Variants in PLK4 observed in about 807,000 individuals in gnomAD.
PLK4 encodes serine/threonine-protein kinase PLK4.
A neutral mutation model predicts 103.0 loss-of-function variants in PLK4; 51 were observed. The observed-to-expected ratio is 0.50, with a 90% CI of 0.40 to 0.63. The LOEUF (loss-of-function observed/expected upper bound fraction) is 0.63, where lower values mean the gene tolerates loss of function less well. Among genes scored for constraint, PLK4 ranks in the 20% least tolerant of loss-of-function variants. The probability of loss-of-function intolerance (pLI) is 0.00; values close to 1 mark genes in which losing one functional copy is unlikely to be tolerated. For synonymous variants in PLK4, 389 were observed against 376.8 expected (o/e 1.03, Z -0.38); for missense variants, 1,054 against 1,151.0 (o/e 0.92, Z 1.22).
chr4:127,887,548 C>A, intron 6 of PLK4, 52 bp downstream of exon 6: 2 of 1,013,998 alleles, frequency 2.0e-6, no homozygotes, highest in Non-Finnish European at 3.0e-6. Flanking sequence ...GGAAACTTAC[C>A]AAGCATTGCA....
Position 127,896,791 on chromosome 4 carries a change from A to AT in PLK4, c.2704-5dup. The AT allele has an allele frequency of 6.7e-7, 1 of 1,499,164 alleles. No individual in the cohort carries two copies. Among genetic ancestry groups the AT allele is most frequent in the Non-Finnish European group, 9.1e-7 (1 of 1,096,862 alleles). The allele number at this position is 1,499,164 out of a possible 1,614,324, so 92.9% of individuals were successfully genotyped here. On this transcript the variant is annotated splice_polypyrimidine_tract_variant and intron_variant, in intron 14 of 15. Coordinates refer to ENST00000270861, the MANE Select transcript of PLK4 (RefSeq NM_014264.5). ...GTGCCTGTTCTTACCCATGCTTATT[A>AT]TTTTTCTAGTTAACTAGTGGAGCTG...
At position 127,896,062 on chromosome 4, in the gene PLK4, G is replaced by A. The variant is rs746495763; in HGVS notation, c.2704-739G>A. On this transcript the variant is annotated intron_variant, in intron 14 of 15. Transcript: ENST00000270861. ...AGTAAATGCAACCTAGTACTTTATG[G>A]GGGTAGGTAACATTTGTTGAGCACC... Among the ~76,000 whole-genome samples, 5 of 152,102 alleles carry A rather than the reference G, an allele frequency of 3.3e-5. No homozygotes were observed. The South Asian group carries it at 6.2e-4, about 19-fold the overall frequency.
chr4:127,889,891 T>C lies in PLK4; in HGVS notation c.1485T>C (p.Tyr495=). Residue 495 remains tyrosine, a synonymous_variant, in exon 7 of 16, where the codon TAT becomes TAC. Coordinates refer to ENST00000270861, the MANE Select transcript of PLK4 (RefSeq NM_014264.5). ...INAHLRKTTE[Y]DSISPNRDFQ... Reference sequence around the variant, plus strand: ...CTCATTTAAGAAAAACTACTGAATATGACAGCATCAGCCCAAACCGGGACT... The same window carrying C: ...CTCATTTAAGAAAAACTACTGAATACGACAGCATCAGCCCAAACCGGGACT... The C allele has an allele frequency of 1.9e-6, 3 of 1,607,760 alleles. No individual in the cohort carries two copies. Among genetic ancestry groups the C allele is most frequent in the Non-Finnish European group, 2.5e-6 (3 of 1,177,716 alleles).
chr4:127,884,282 G>A (rs561587220), intron 4 of PLK4, among the ~76,000 whole-genome samples: 2 of 152,296 alleles, frequency 1.3e-5, no homozygotes, highest in Admixed American at 6.5e-5. Flanking sequence ...TGAGATTACA[G>A]ACAAGCTAAC....
chr4:127,886,764 G>A (rs1451207288), intron 5 of PLK4, 36 bp downstream of exon 5: 1 of 1,370,014 alleles, frequency 7.3e-7, no homozygotes. Flanking sequence ...TTTGTTTTTT[G>A]GTAACATTAT....
At chr4:127,881,512 G>A in intron 1 of PLK4, 1 of 867,470 alleles carries the variant, frequency 1.2e-6, no homozygotes, top group Non-Finnish European at 1.7e-6. Context: ...GGGAGCTGCG[G>A]CGGGATTCTG....
At chr4:127,882,541 C>T (rs998871984) in intron 2 of PLK4, among the ~76,000 whole-genome samples, 1 of 152,152 alleles carries the variant, frequency 6.6e-6, no homozygotes. Context: ...GGGTGGATCA[C>T]CTGAGGTCGG....
chr4:127,885,348 G>A (rs961763648), intron 4 of PLK4, among the ~76,000 whole-genome samples: 2 of 151,484 alleles, frequency 1.3e-5, no homozygotes, highest in Non-Finnish European at 2.9e-5. Context: ...GCACGGTGGC[G>A]GGCGCCTGTA....
intron 1 of PLK4, among the ~76,000 whole-genome samples, chr4:127,881,603 C>G (rs1484287444): frequency 6.6e-6 from 1 of 152,128 alleles, no homozygotes; most frequent in Non-Finnish European, 1.5e-5. Flanking sequence ...AACCAGATCA[C>G]TAGGGTGCAC....
rs1734994799 is a variant in PLK4, at chr4:127,883,242, T to G, written c.127-20T>G. The G allele has an allele frequency of 7.8e-7, 1 of 1,279,248 alleles. No individual in the cohort carries two copies. The highest frequency in any genetic ancestry group is 1.1e-6 in the Non-Finnish European group (1 of 892,102). 79.2% of individuals were successfully genotyped at this position (1,279,248 alleles called of 1,614,324 possible). A position where few individuals can be genotyped will look rare whatever the true frequency, so the allele number is the denominator to read the frequency against. ...GTTTATATTTGAAAGTCTGTCAACA[T>G]TTAAACCTGTTATTTTTAGATAGAT... On this transcript the variant is annotated intron_variant, in intron 2 of 15. Transcript: ENST00000270861.
In PLK4 at chr4:127,881,934, T is replaced by A. The variant is rs2148815239; in HGVS notation, c.126+8T>A. The A allele has an allele frequency of 6.8e-7, 1 of 1,464,836 alleles. No individual in the cohort carries two copies. Among genetic ancestry groups the A allele is most frequent in the East Asian group, 2.3e-5 (1 of 44,200 alleles). The allele number at this position is 1,464,836 out of a possible 1,614,324, so 90.7% of individuals were successfully genotyped here. ...GAAGTTGCAATCAAAATGGTAAGAA[T>A]AAACTAATCAACTTCTCTCCTGTAC... On this transcript the variant is annotated splice_region_variant and intron_variant, in intron 2 of 15. Coordinates refer to ENST00000270861, the MANE Select transcript of PLK4 (RefSeq NM_014264.5).
In PLK4 at chr4:127,893,518, T is replaced by C; in HGVS notation, c.2328T>C (p.His776=). 1 of 1,610,440 alleles carries C rather than the reference T, an allele frequency of 6.2e-7. No homozygotes were observed. ...GCACTCTTCTTTTGAAATAGGGTCATCGTATTTGTTTAGCACTGGAATCCA... is the reference window on the plus strand; with the variant it reads ...GCACTCTTCTTTTGAAATAGGGTCACCGTATTTGTTTAGCACTGGAATCCA... ...KMYMDHANEG[H]RICLALESII... Residue 776 remains histidine (H), a synonymous_variant, in exon 12 of 16, where the codon CAT becomes CAC. Coordinates refer to ENST00000270861, the MANE Select transcript of PLK4 (RefSeq NM_014264.5).
chr4:127,896,497 T>G (rs1423719876), intron 14 of PLK4, among the ~76,000 whole-genome samples: 1 of 152,122 alleles, frequency 6.6e-6, no homozygotes, highest in African/African-American at 2.4e-5. Context: ...ACCAAAAAAC[T>G]TAGAAATCCT....
At chr4:127,882,017 TC>T (rs1734951505) in intron 2 of PLK4, 91 bp downstream of exon 2, 1 of 724,606 alleles carries the variant, frequency 1.4e-6, no homozygotes, top group African/African-American at 1.8e-5. Flanking sequence ...TACTAGCCTT[TC>T]CTTTGATTAT....
chr4:127,884,493 A>G (rs1735042997), intron 4 of PLK4, among the ~76,000 whole-genome samples: 1 of 152,232 alleles, frequency 6.6e-6, no homozygotes, highest in African/African-American at 2.4e-5. Flanking sequence ...GCAGTTTTTT[A>G]TAATACTTCA....
rs754107191 is a variant in PLK4 at position 127,886,650 on chromosome 4, C to T, written c.1280C>T (p.Ala427Val). The T allele has an allele frequency of 1.9e-6, 3 of 1,613,092 alleles. No homozygotes were observed. In the Admixed American group the frequency reaches 5.0e-5, roughly 27 times the overall value. Residue 427 changes from alanine (A) to valine (V), a missense_variant, in exon 5 of 16, where the codon GCC becomes GTC. Ala to Val is a moderately conservative substitution (Grantham distance 64). This residue lies in a region of PLK4 where 680 missense variants were observed against 660.3 expected (regional missense o/e 1.03). Coordinates refer to ENST00000270861, the MANE Select transcript of PLK4 (RefSeq NM_014264.5). ...AGGTACTCACCCACAGACAACAATG[C>T]CAACATTTTTAACTTCTTTAAAGAA... ...EERYSPTDNN[A>V]NIFNFFKEKT...
intron 13 of PLK4, 94 bp downstream of exon 13, chr4:127,893,975 C>T: frequency 1.4e-6 from 1 of 723,138 alleles, no homozygotes; most frequent in Non-Finnish European, 2.4e-6. Flanking sequence ...TTACTATCAT[C>T]TACGTACTTT....
Position 127,892,507 on chromosome 4 carries a change from T to C in PLK4, c.2181T>C (p.Phe727=). The C allele has an allele frequency of 6.2e-7, 1 of 1,608,418 alleles. No individual in the cohort carries two copies. The highest frequency in any genetic ancestry group is 8.5e-7 in the Non-Finnish European group (1 of 1,177,060). ...NSPGADFEVW[F]YDGVKIHKTE... ...CTGGTGCTGATTTTGAGGTTTGGTTTTATGATGGTAAGTACCATTTGGAAA... is the reference window on the plus strand; with the variant it reads ...CTGGTGCTGATTTTGAGGTTTGGTTCTATGATGGTAAGTACCATTTGGAAA... The change falls in exon 10 of 16, where the codon TTT becomes TTC. Residue 727 remains phenylalanine (F), a synonymous_variant. Transcript: ENST00000270861.
chr4:127,897,856 T>C (rs1459959483), intron 15 of PLK4, among the ~76,000 whole-genome samples: 1 of 134,816 alleles, frequency 7.4e-6, no homozygotes, highest in African/African-American at 2.8e-5. Flanking sequence ...TTTTTTTTTT[T>C]TTGAGACAGA....
Sources: gnomAD v4.1 joint callset for allele counts (sites outside exome capture counted in the v4.1 genomes callset) on GRCh38, gnomAD v4.1.1 for gene constraint, gnomAD v4.1.1 regional missense constraint, MANE v1.5 for transcripts, NCBI Gene and HGNC (gene_info 2026-07-23, HGNC 2026-07-21) for gene names.